C5: variants seen among roughly 807,000 people sequenced by gnomAD.
The protein encoded by C5 is C3 and PZP-like alpha-2-macroglobulin domain-containing protein 4.
C5 carries 140 observed loss-of-function variants against 218.8 expected under a neutral mutation model. The ratio of observed to expected loss-of-function variants is 0.64; its 90% CI spans 0.56 to 0.74. The LOEUF is 0.74. C5 is among the 30% of genes least tolerant of loss of function. The pLI is 0.00. For synonymous variants in C5, 614 were observed against 682.3 expected (o/e 0.90, Z 1.56); for missense variants, 1,700 against 1,969.6 (o/e 0.86, Z 2.59).
intron 5 of C5, 94 bp downstream of exon 5, chr9:121,034,709 C>A: frequency 4.2e-6 from 3 of 721,324 alleles, no homozygotes; most frequent in Admixed American, 4.1e-5. Context: ...TATGTGACAC[C>A]CTTTGTTAAC....
At chr9:120,978,264 A>G (rs2046967611) in intron 28 of C5, among the ~76,000 whole-genome samples, 1 of 152,158 alleles carries the variant, frequency 6.6e-6, no homozygotes. Context: ...AGTAATGCAT[A>G]TTTGGAAATC....
rs777294640 is a variant in C5 at position 121,016,249 on chromosome 9, T to C, written c.1996+5A>G. On this transcript the variant is annotated splice_donor_5th_base_variant and intron_variant, in intron 15 of 40. Coordinates refer to ENST00000223642, the MANE Select transcript of C5 (RefSeq NM_001735.3). Reference sequence around the variant, plus strand: ...TTTCAGTAATAAACATGCTGAGCATTTTACCATTTTCTTGGGAGTCATCTG... The same window carrying C: ...TTTCAGTAATAAACATGCTGAGCATCTTACCATTTTCTTGGGAGTCATCTG... 1.9e-6 allele frequency: 3 copies of C among 1,613,784 alleles called. No homozygotes were observed. In the South Asian group the frequency reaches 3.3e-5, roughly 18 times the overall value.
Position 120,976,759 on chromosome 9 carries a change from G to A in C5, c.3805C>T (p.Pro1269Ser). Residue 1269 changes from proline (P) to serine (S), a missense_variant, in exon 29 of 41, where the codon CCA becomes TCA. By Grantham distance (74) the Pro-to-Ser change is moderately conservative. Coordinates refer to ENST00000223642, the MANE Select transcript of C5 (RefSeq NM_001735.3). Reference sequence around the variant, plus strand: ...TCTTCTGATAGCCATTTGATGACTGGGTTAACATAATTTATATCTTTCAAG... The same window carrying A: ...TCTTCTGATAGCCATTTGATGACTGAGTTAACATAATTTATATCTTTCAAG... The part of the protein sequence containing the change: ...LNLKDINYVN[P>S]VIKWLSEEQR... 6.2e-7 allele frequency: 1 copy of A among 1,614,086 alleles called. No homozygotes were observed. Among genetic ancestry groups the A allele is most frequent in the Non-Finnish European group, 8.5e-7 (1 of 1,180,006 alleles).
intron 2 of C5, among the ~76,000 whole-genome samples, chr9:121,044,938 G>GT (rs2047613674): frequency 6.7e-6 from 1 of 149,780 alleles, no homozygotes; most frequent in South Asian, 2.1e-4. Flanking sequence ...TCTTTTGAAA[G>GT]TAACACTTTC....
chr9:121,021,799 A>G lies in C5; in HGVS notation c.1117-105T>C, dbSNP rs2047368277. On this transcript the variant is annotated intron_variant, in intron 10 of 40. Coordinates refer to ENST00000223642, the MANE Select transcript of C5 (RefSeq NM_001735.3). ...CTCCCCACCAAAGTATAAATTATTTATGTATTTTTTTCTGAAAATTTTTTT... is the reference window on the plus strand; with the variant it reads ...CTCCCCACCAAAGTATAAATTATTTGTGTATTTTTTTCTGAAAATTTTTTT... 3.6e-6 allele frequency: 4 copies of G among 1,115,912 alleles called. No homozygotes were observed. In the South Asian group the frequency reaches 5.1e-5, roughly 14 times the overall value. The allele number at this position is 1,115,912 out of a possible 1,614,324, so 69.1% of individuals were successfully genotyped here. A position where few individuals can be genotyped will look rare whatever the true frequency, so the allele number is the denominator to read the frequency against.
At chr9:120,992,602 G>T (rs1241655418) in intron 22 of C5, among the ~76,000 whole-genome samples, 1 of 152,032 alleles carries the variant, frequency 6.6e-6, no homozygotes, top group African/African-American at 2.4e-5. Context: ...AATTCCATTG[G>T]CAACTCTACT....
chr9:120,976,613 G>A, intron 29 of C5, 87 bp downstream of exon 29: 1 of 1,063,664 alleles, frequency 9.4e-7, no homozygotes, highest in East Asian at 2.4e-5. Flanking sequence ...CTCATTTGGT[G>A]GACAAAGGCA....
In C5 at chr9:121,006,024, C is replaced by A; in HGVS notation, c.2457G>T (p.Val819=). 6.2e-7 allele frequency: 1 copy of A among 1,613,784 alleles called. No homozygotes were observed. Among genetic ancestry groups the A allele is most frequent in the South Asian group, 1.1e-5 (1 of 91,076 alleles). ...TCATTTCCAGGAAGACATCTTTGAACACCTTTGCCTTGACAGTATCAGCAA... is the reference window on the plus strand; with the variant it reads ...TCATTTCCAGGAAGACATCTTTGAAAACCTTTGCCTTGACAGTATCAGCAA... The part of the protein sequence containing the change: ...ICVADTVKAK[V]FKDVFLEMNI... The change falls in exon 20 of 41, where the codon GTG becomes GTT. Residue 819 remains valine (V), a synonymous_variant. Coordinates refer to ENST00000223642, the MANE Select transcript of C5 (RefSeq NM_001735.3).
chr9:121,002,199 T>G (rs2047167972), intron 20 of C5, among the ~76,000 whole-genome samples: 1 of 86,410 alleles, frequency 1.2e-5, no homozygotes, highest in African/African-American at 4.2e-5. Context: ...TACATATACG[T>G]ATATATGTAT....
chr9:120,957,061 T>C (rs920601829), intron 39 of C5: 26 of 442,890 alleles, frequency 5.9e-5, no homozygotes, highest in South Asian at 5.7e-4. Flanking sequence ...AATTACGCAA[T>C]TGAAAAAAAC....
intron 9 of C5, 21 bp downstream of exon 9, chr9:121,025,433 C>CACACACACACACAT: frequency 6.3e-7 from 1 of 1,598,422 alleles, no homozygotes; most frequent in African/African-American, 1.3e-5. Flanking sequence ...CACACACACA[C>CACACACACACACAT]ACACACACAC....
At chr9:121,032,062 CAAAAACA>C (rs757964495) in intron 6 of C5, 44 bp downstream of exon 6, 19 of 1,214,208 alleles carry the variant, frequency 1.6e-5, no homozygotes, top group Non-Finnish European at 1.9e-5. Flanking sequence ...GACTCCATCT[CAAAAACA>C]AAAAACAAAA....
At chr9:120,989,361 G>A in intron 24 of C5, among the ~76,000 whole-genome samples, 1 of 152,140 alleles carries the variant, frequency 6.6e-6, no homozygotes, top group East Asian at 1.9e-4. Flanking sequence ...TGGAATGCAG[G>A]TGCCTTGCCT....
intron 28 of C5, chr9:120,979,554 G>A (rs542177038): frequency 1.2e-4 from 19 of 159,990 alleles, no homozygotes; most frequent in African/African-American, 4.3e-4. Flanking sequence ...GGGGTGTCCA[G>A]GGTGTACATA....
In C5 at chr9:120,976,854, C is replaced by T; in HGVS notation, c.3710G>A (p.Ser1237Asn). 1.2e-6 allele frequency: 2 copies of T among 1,614,154 alleles called. No homozygotes were observed. Among genetic ancestry groups the T allele is most frequent in the Non-Finnish European group, 1.7e-6 (2 of 1,180,010 alleles). ...FWKDNLQHKD[S>N]SVPNTGTARM... ...TGCCGTACCAGTGTTAGGTACAGAG[C>T]TGTCTTTATGCTGAAGATTGTCTTT... Residue 1237 changes from serine to asparagine, a missense_variant, in exon 29 of 41, where the codon AGC becomes AAC. By Grantham distance (46) the Ser-to-Asn change is conservative. Transcript: ENST00000223642.
chr9:121,040,935 G>A (rs563579180), intron 3 of C5, among the ~76,000 whole-genome samples: 20 of 148,370 alleles, frequency 1.3e-4, no homozygotes, highest in African/African-American at 3.9e-4. Flanking sequence ...ATATTACATC[G>A]TCTTCTTTTT....
At chr9:121,067,842 C>T in the C5 span, among the ~76,000 whole-genome samples, 2 of 152,082 alleles carry the variant, frequency 1.3e-5, no homozygotes, top group South Asian at 4.1e-4. Context: ...TGCCTTCCAC[C>T]ATAATTTTAA....
intron 12 of C5, 129 bp downstream of exon 12, chr9:121,019,847 A>C: frequency 1.5e-6 from 1 of 657,218 alleles, no homozygotes; most frequent in Non-Finnish European, 2.7e-6. Flanking sequence ...ACTGATGTTC[A>C]AGTTAGATGA....
chr9:121,072,615 T>C, the C5 span, among the ~76,000 whole-genome samples: 1 of 152,058 alleles, frequency 6.6e-6, no homozygotes, highest in African/African-American at 2.4e-5. Context: ...GAGACCAGCC[T>C]GACCAACATG....
Sources: allele counts gnomAD v4.1 joint callset (sites outside exome capture counted in the v4.1 genomes callset), GRCh38; gene constraint gnomAD v4.1.1; transcripts MANE v1.5; gene names NCBI Gene and HGNC (gene_info 2026-07-23, HGNC 2026-07-21).